The following PALM2AKAP2 variants were observed in gnomAD, a reference collection of about 807,000 sequenced individuals.
PALM2AKAP2 encodes the protein PALM2-AKAP2 fusion protein.
PALM2AKAP2 carries 37 observed loss-of-function variants against 71.5 expected under a neutral mutation model. That is an observed-to-expected ratio of 0.52 (90% CI 0.40 to 0.68). The LOEUF is 0.68. Ranked by LOEUF, PALM2AKAP2 falls within the 30% of genes least tolerant of loss-of-function variation. The pLI, the probability that PALM2AKAP2 is intolerant of heterozygous loss-of-function variation, is 0.00. For missense variants in PALM2AKAP2, 1,224 were observed against 1,191.8 expected (o/e 1.03, Z -0.40); for synonymous variants, 468 against 478.8 (o/e 0.98, Z 0.29).
intron 1 of PALM2AKAP2, among the ~76,000 whole-genome samples, chr9:110,086,465 A>T (rs917775690): frequency 1.3e-5 from 2 of 152,206 alleles, no homozygotes; most frequent in Non-Finnish European, 2.9e-5. Context: ...ACATAGAGGC[A>T]ATTCCTTGAA....
intron 1 of PALM2AKAP2, among the ~76,000 whole-genome samples, chr9:109,703,120 A>T (rs1828088871): frequency 6.6e-6 from 1 of 152,130 alleles, no homozygotes; most frequent in Non-Finnish European, 1.5e-5. Context: ...TGCCTGGCCT[A>T]TTTTTTACCA....
In PALM2AKAP2 at chr9:109,715,435, G is replaced by T. The variant is rs1828302337; in HGVS notation, c.6-65053G>T. ...ACAGATCCTAAGAGGGGTTAGGAGG[G>T]CTGGGCAGTCGTTCAACGTTCCCTG... On this transcript the variant is annotated intron_variant, in intron 1 of 6. Coordinates refer to the PALM2AKAP2 transcript ENST00000374531. Among the ~76,000 whole-genome samples the T allele has an allele frequency of 4.6e-5, 7 of 152,098 alleles. No individual in the cohort carries two copies. In the South Asian group the frequency reaches 1.5e-3, roughly 32 times the overall value.
chr9:110,023,210 T>A (rs1833105991), intron 7 of PALM2AKAP2, among the ~76,000 whole-genome samples: 1 of 151,792 alleles, frequency 6.6e-6, no homozygotes, highest in Non-Finnish European at 1.5e-5. Flanking sequence ...GTAAAAGTGT[T>A]CCTATTTCTC....
intron 1 of PALM2AKAP2, among the ~76,000 whole-genome samples, chr9:110,135,164 A>AAAAAAAAAAAAATATATATAT: frequency 3.9e-5 from 2 of 51,732 alleles, no homozygotes; most frequent in African/African-American, 7.3e-5. Flanking sequence ...AAAAAAAAAA[A>AAAAAAAAAAAAATATATATAT]ATATATAAAT....
chr9:109,645,775 AG>A (rs1827142830), intron 1 of PALM2AKAP2, among the ~76,000 whole-genome samples: 1 of 152,152 alleles, frequency 6.6e-6, no homozygotes, highest in Non-Finnish European at 1.5e-5. Flanking sequence ...GGAAGGCACA[AG>A]GGTTGAAAAA....
chr9:109,711,366 A>G (rs573204773), intron 1 of PALM2AKAP2, among the ~76,000 whole-genome samples: 34 of 152,284 alleles, frequency 2.2e-4, no homozygotes, highest in African/African-American at 7.7e-4. Context: ...GGTTCATAAA[A>G]CCCTCATGAA....
intron 1 of PALM2AKAP2, among the ~76,000 whole-genome samples, chr9:109,689,451 C>T (rs575136320): frequency 7.9e-4 from 120 of 152,204 alleles, no homozygotes; most frequent in African/African-American, 2.8e-3. Flanking sequence ...CCACCCGCCT[C>T]GGCCACCCAA....
At chr9:109,730,841 G>A (rs1381932306) in intron 1 of PALM2AKAP2, among the ~76,000 whole-genome samples, 1 of 152,106 alleles carries the variant, frequency 6.6e-6, no homozygotes, top group Non-Finnish European at 1.5e-5. Context: ...ACTCAAGCAA[G>A]GGTGGAGATG....
chr9:109,821,121 A>G (rs560512261), intron 1 of PALM2AKAP2, among the ~76,000 whole-genome samples: 3 of 152,246 alleles, frequency 2.0e-5, no homozygotes, highest in South Asian at 4.2e-4. Flanking sequence ...CCCAACTTCT[A>G]TCACTGTCAG....
chr9:109,904,345 G>A (rs1184023797), intron 3 of PALM2AKAP2, among the ~76,000 whole-genome samples: 1 of 152,146 alleles, frequency 6.6e-6, no homozygotes, highest in Non-Finnish European at 1.5e-5. Context: ...TAATTGCTGT[G>A]AAAGGATGTT....
chr9:109,982,068 A>T (rs1398149894), intron 6 of PALM2AKAP2, among the ~76,000 whole-genome samples: 1 of 152,240 alleles, frequency 6.6e-6, no homozygotes, highest in African/African-American at 2.4e-5. Flanking sequence ...CAACAGATGA[A>T]TGGATAAAGA....
At chr9:109,645,336 G>C (rs1020385889) in intron 1 of PALM2AKAP2, among the ~76,000 whole-genome samples, 2 of 152,152 alleles carry the variant, frequency 1.3e-5, no homozygotes, top group Non-Finnish European at 2.9e-5. Flanking sequence ...GCAAGGGAAA[G>C]GCCTGCCCCC....
At chr9:109,874,349 T>C (rs1451366667) in intron 2 of PALM2AKAP2, among the ~76,000 whole-genome samples, 1 of 152,220 alleles carries the variant, frequency 6.6e-6, no homozygotes, top group African/African-American at 2.4e-5. Context: ...GATTCTTGGG[T>C]GATCTTACAC....
chr9:110,044,524 G>C (rs1833563826), upstream of PALM2AKAP2, among the ~76,000 whole-genome samples: 1 of 150,968 alleles, frequency 6.6e-6, no homozygotes. Context: ...GCTAATTTTT[G>C]TATTTTTAGT....
chr9:109,710,599 TG>T (rs1828218483), intron 1 of PALM2AKAP2, among the ~76,000 whole-genome samples: 1 of 152,234 alleles, frequency 6.6e-6, no homozygotes, highest in Non-Finnish European at 1.5e-5. Context: ...GATCACCTTT[TG>T]GGAATGATGA....
At chr9:109,961,106 AGTT>A (rs1831844587) in intron 6 of PALM2AKAP2, among the ~76,000 whole-genome samples, 1 of 152,198 alleles carries the variant, frequency 6.6e-6, no homozygotes, top group African/African-American at 2.4e-5. Context: ...GTGCTCTTGG[AGTT>A]GTTCAGTGCA....
intron 6 of PALM2AKAP2, among the ~76,000 whole-genome samples, chr9:110,011,014 A>AAAAAAAAATAT (rs35212981): frequency 2.9e-5 from 2 of 69,588 alleles, no homozygotes; most frequent in Admixed American, 2.1e-4. Context: ...AAAAAAAAAA[A>AAAAAAAAATAT]ATATATATAT....
intron 1 of PALM2AKAP2, among the ~76,000 whole-genome samples, chr9:110,111,562 CTT>C (rs1588115092): frequency 1.3e-5 from 2 of 152,290 alleles, no homozygotes; most frequent in East Asian, 3.9e-4. Context: ...CAGATAAAGT[CTT>C]TGCCTTGCTT....
chr9:109,865,333 G>A (rs971557723), intron 1 of PALM2AKAP2, among the ~76,000 whole-genome samples: 3 of 151,928 alleles, frequency 2.0e-5, no homozygotes, highest in South Asian at 4.2e-4. Context: ...TCGTGACCTC[G>A]GGTGATCCAC....
Sources: gnomAD v4.1 joint callset for allele counts (sites outside exome capture counted in the v4.1 genomes callset) on GRCh38, gnomAD v4.1.1 for gene constraint, MANE v1.5 for transcripts, NCBI Gene and HGNC (gene_info 2026-07-23, HGNC 2026-07-21) for gene names.